The following KLHL6 variants were observed in gnomAD, a reference collection of about 807,000 sequenced individuals.
KLHL6 encodes the protein kelch-like protein 6.
A neutral mutation model predicts 58.6 loss-of-function variants in KLHL6; 41 were observed. The observed-to-expected ratio is 0.70, with a 90% CI of 0.55 to 0.91. The LOEUF (loss-of-function observed/expected upper bound fraction) is 0.91, where lower values mean the gene tolerates loss of function less well. Ranked by LOEUF, KLHL6 falls within the 40% of genes least tolerant of loss-of-function variation. The probability of loss-of-function intolerance (pLI) is 0.00; values close to 1 mark genes in which losing one functional copy is unlikely to be tolerated. For synonymous variants in KLHL6, 338 were observed against 322.7 expected, an observed-to-expected ratio of 1.05 and a Z score of -0.51; for missense variants, 714 against 805.6, an observed-to-expected ratio of 0.89 and a Z score of 1.38.
At chr3:183,551,561 A>G (rs1404062973) in intron 1 of KLHL6, among the ~76,000 whole-genome samples, 1 of 152,226 alleles carries the variant, frequency 6.6e-6, no homozygotes, top group African/African-American at 2.4e-5. Context: ...GAACATAATA[A>G]TGTAAACTCT....
chr3:183,515,464 C>G (rs1437934920), intron 2 of KLHL6, among the ~76,000 whole-genome samples: 2 of 152,134 alleles, frequency 1.3e-5, no homozygotes, highest in Non-Finnish European at 2.9e-5. Flanking sequence ...GGGAGGATTG[C>G]TTGAGCCTGG....
intron 4 of KLHL6, among the ~76,000 whole-genome samples, chr3:183,496,124 TAAAGGTAA>T (rs1717706711): frequency 6.6e-6 from 1 of 151,930 alleles, no homozygotes; most frequent in Non-Finnish European, 1.5e-5. Flanking sequence ...AACAAGTATA[TAAAGGTAA>T]AAAACAACCA....
chr3:183,517,192 G>A (rs1711596839), intron 2 of KLHL6, among the ~76,000 whole-genome samples: 1 of 152,188 alleles, frequency 6.6e-6, no homozygotes, highest in Non-Finnish European at 1.5e-5. Flanking sequence ...GGGATTATAG[G>A]TGTGAGCCAC....
intron 3 of KLHL6, among the ~76,000 whole-genome samples, chr3:183,502,723 C>A (rs552898310): frequency 8.7e-4 from 133 of 152,296 alleles, no homozygotes; most frequent in African/African-American, 3.1e-3. Context: ...ATTACTGCAG[C>A]CCCAGCCAAG....
At position 183,489,216 on chromosome 3, in the gene KLHL6, A is replaced by T. The variant is rs1238862685; in HGVS notation, c.*2711T>A. ...CCCTGTGTATGCCAGTACCATTGTC[A>T]TTGGATTTCCTCTCTGGAAGTTCCT... is the stretch of plus-strand genomic sequence containing the variant. On this transcript the variant is annotated 3_prime_UTR_variant, in exon 7 of 7. Transcript: ENST00000341319. The T allele has an allele frequency of 6.6e-6, 1 of 152,184 alleles. No homozygotes were observed. The highest frequency in any genetic ancestry group is 2.4e-5 in the African/African-American group (1 of 41,444). The allele number at this position is 152,184 out of a possible 1,614,324, so 9.4% of individuals were successfully genotyped here. A position where few individuals can be genotyped will look rare whatever the true frequency, so the allele number is the denominator to read the frequency against.
At chr3:183,549,951 A>G (rs1190041095) in intron 1 of KLHL6, among the ~76,000 whole-genome samples, 2 of 152,046 alleles carry the variant, frequency 1.3e-5, no homozygotes, top group East Asian at 3.8e-4. Flanking sequence ...TAAAAGAGAC[A>G]AAAACAAAGA....
chr3:183,533,136 G>A (rs1712212934), intron 1 of KLHL6, among the ~76,000 whole-genome samples: 1 of 152,150 alleles, frequency 6.6e-6, no homozygotes, highest in Non-Finnish European at 1.5e-5. Flanking sequence ...GAGCTCTGGT[G>A]ATGTAATTCC....
At chr3:183,509,450 T>C (rs1357240769) in intron 2 of KLHL6, among the ~76,000 whole-genome samples, 2 of 152,234 alleles carry the variant, frequency 1.3e-5, no homozygotes, top group African/African-American at 2.4e-5. Flanking sequence ...AGAAAGAAGA[T>C]GAAAGGATGT....
At chr3:183,541,776 T>A (rs1250629161) in intron 1 of KLHL6, among the ~76,000 whole-genome samples, 1 of 152,176 alleles carries the variant, frequency 6.6e-6, no homozygotes. Context: ...GGGAACATAT[T>A]TTAATAATAG....
chr3:183,543,357 C>T (rs1312646813), intron 1 of KLHL6, among the ~76,000 whole-genome samples: 7 of 151,704 alleles, frequency 4.6e-5, no homozygotes, highest in Admixed American at 3.3e-4. Flanking sequence ...TGCTAATCAT[C>T]GGTGGTACAC....
intron 1 of KLHL6, among the ~76,000 whole-genome samples, chr3:183,534,954 T>A (rs930880997): frequency 5.5e-4 from 80 of 145,260 alleles, no homozygotes; most frequent in South Asian, 2.1e-3. Flanking sequence ...ATATATATTT[T>A]TTTTTTTTGA....
intron 1 of KLHL6, among the ~76,000 whole-genome samples, chr3:183,543,831 T>C (rs1379441679): frequency 6.6e-6 from 1 of 152,232 alleles, no homozygotes; most frequent in Admixed American, 6.5e-5. Context: ...GAAAGGGCTA[T>C]GATGCAACCT....
At chr3:183,514,072 G>A (rs1299455976) in intron 2 of KLHL6, among the ~76,000 whole-genome samples, 1 of 152,188 alleles carries the variant, frequency 6.6e-6, no homozygotes, top group African/African-American at 2.4e-5. Context: ...ATGGCTGCGA[G>A]CATCTATTAA....
At position 183,494,158 on chromosome 3, in the gene KLHL6, T is replaced by C; in HGVS notation, c.1271A>G (p.Tyr424Cys). Residue 424 changes from tyrosine to cysteine, a missense_variant, in exon 5 of 7, where the codon TAT (tyrosine) becomes TGT (cysteine). Coordinates refer to ENST00000341319, the MANE Select transcript of KLHL6 (RefSeq NM_130446.4). ...TAAGCCGTCAAAGCCTCCGATCACA[T>C]AGACCTTGCCACCCAACACCACCAT... is the stretch of plus-strand genomic sequence containing the variant. ...HKMVVLGGKV[Y>C]VIGGFDGLQR... The C allele has an allele frequency of 1.2e-6, 2 of 1,614,200 alleles. No homozygotes were observed. Among genetic ancestry groups the C allele is most frequent in the South Asian group, 1.1e-5 (1 of 91,078 alleles).
chr3:183,548,172 C>CTTT (rs1712790618), intron 1 of KLHL6, among the ~76,000 whole-genome samples: 1 of 152,194 alleles, frequency 6.6e-6, no homozygotes, highest in Non-Finnish European at 1.5e-5. Context: ...AGACAGTGCG[C>CTTT]TCTGAAAATA....
intron 2 of KLHL6, among the ~76,000 whole-genome samples, chr3:183,525,267 A>C (rs202151062): frequency 0.057 from 7,051 of 124,662 alleles, 235 homozygotes; most frequent in African/African-American, 0.089. Context: ...CTCTAAAAAA[A>C]AAACACACAC....
At chr3:183,514,971 G>C (rs1711515490) in intron 2 of KLHL6, among the ~76,000 whole-genome samples, 1 of 152,128 alleles carries the variant, frequency 6.6e-6, no homozygotes, top group African/African-American at 2.4e-5. Context: ...TGCCCGGCCA[G>C]GGCTATTTTC....
chr3:183,529,777 C>T (rs534191280), intron 1 of KLHL6, among the ~76,000 whole-genome samples: 2 of 151,684 alleles, frequency 1.3e-5, no homozygotes, highest in South Asian at 4.2e-4. Context: ...AGGGCAAGAC[C>T]CCATCTCAAA....
intron 3 of KLHL6, among the ~76,000 whole-genome samples, chr3:183,506,548 C>T (rs984015370): frequency 2.0e-5 from 3 of 152,176 alleles, no homozygotes; most frequent in African/African-American, 7.2e-5. Flanking sequence ...CGGAGAGTGG[C>T]TGGGTGTGGT....
Sources: gnomAD v4.1 joint callset for allele counts (sites outside exome capture counted in the v4.1 genomes callset) on GRCh38, gnomAD v4.1.1 for gene constraint, MANE v1.5 for transcripts, NCBI Gene and HGNC (gene_info 2026-07-23, HGNC 2026-07-21) for gene names.